The following CD9 variants were observed in gnomAD, a reference collection of about 807,000 sequenced individuals.
CD9 encodes CD9 antigen.
CD9 carries 10 observed loss-of-function variants against 31.4 expected under a neutral mutation model. That is an observed-to-expected ratio of 0.32 (90% confidence interval 0.20 to 0.54). CD9 has a LOEUF of 0.54. Among genes scored for constraint, CD9 ranks in the 20% least tolerant of loss-of-function variants. CD9 has a pLI of 0.94. For missense variants in CD9, 259 were observed against 300.1 expected, an observed-to-expected ratio of 0.86 and a Z score of 1.01; for synonymous variants, 113 against 114.1, an observed-to-expected ratio of 0.99 and a Z score of 0.06.
chr12:6,215,317 T>C (rs960271349), intron 1 of CD9, among the ~76,000 whole-genome samples: 1 of 152,222 alleles, frequency 6.6e-6, no homozygotes, highest in African/African-American at 2.4e-5. Context: ...GAGAGAGCTT[T>C]TCTCTGTCCT....
intron 1 of CD9, among the ~76,000 whole-genome samples, chr12:6,217,268 A>G (rs1946252533): frequency 1.3e-5 from 2 of 152,126 alleles, no homozygotes; most frequent in Admixed American, 6.5e-5. Context: ...CACACCTGTA[A>G]TCCCAAGCTT....
At chr12:6,231,094 A>G (rs1161417383) in intron 2 of CD9, among the ~76,000 whole-genome samples, 2 of 152,172 alleles carry the variant, frequency 1.3e-5, no homozygotes. Flanking sequence ...ATTGTGGGGA[A>G]ACATCACAGA....
chr12:6,215,962 C>T (rs1946238998), intron 1 of CD9, among the ~76,000 whole-genome samples: 1 of 152,208 alleles, frequency 6.6e-6, no homozygotes, highest in African/African-American at 2.4e-5. Context: ...TCTAGTCCTG[C>T]CCAAGTGGCT....
chr12:6,219,811 A>G (rs1946275700), intron 1 of CD9, among the ~76,000 whole-genome samples: 1 of 152,218 alleles, frequency 6.6e-6, no homozygotes, highest in South Asian at 2.1e-4. Flanking sequence ...CTCTTGTGAG[A>G]CATTTGAAGA....
intron 2 of CD9, among the ~76,000 whole-genome samples, chr12:6,227,665 T>G (rs1251695329): frequency 6.6e-6 from 1 of 152,210 alleles, no homozygotes; most frequent in African/African-American, 2.4e-5. Flanking sequence ...AAGCTTATAT[T>G]CCCTCAAGAG....
chr12:6,223,352 C>T (rs1946317458), intron 1 of CD9, among the ~76,000 whole-genome samples: 1 of 152,120 alleles, frequency 6.6e-6, no homozygotes, highest in Non-Finnish European at 1.5e-5. Flanking sequence ...AGCTCCGCCT[C>T]CCGGGCTCAC....
rs550373827 is a variant in CD9, at chr12:6,202,067, T to C, written c.66+1502T>C. ...AGTAGAAAAGAAACAAATGCACTTA[T>C]TCCCCCTGGAGCTGGTCACTGAGGT... On this transcript the variant is annotated intron_variant, in intron 1 of 7. Coordinates refer to ENST00000009180, the MANE Select transcript of CD9 (RefSeq NM_001769.4). Among the ~76,000 whole-genome samples, 144 of 152,240 alleles carry C rather than the reference T, an allele frequency of 9.5e-4. 1 individual carries two copies. Among genetic ancestry groups the C allele is most frequent in the African/African-American group, 3.2e-3 (133 of 41,538 alleles).
Position 6,200,463 on chromosome 12 carries a change from C to T in CD9, c.-37C>T. 1 of 1,513,818 alleles carries T rather than the reference C, an allele frequency of 6.6e-7. No individual in the cohort carries two copies. Among genetic ancestry groups the T allele is most frequent in the Non-Finnish European group, 9.2e-7 (1 of 1,089,864 alleles). 93.8% of individuals were successfully genotyped at this position (1,513,818 alleles called of 1,614,324 possible). A position where few individuals can be genotyped will look rare whatever the true frequency, so the allele number is the denominator to read the frequency against. ...TCCCAGCTGCGCGCGCCCCCCAGTCCCGCACCCGTTCGGCCCAGGCTAAGT... is the reference window on the plus strand; with the variant it reads ...TCCCAGCTGCGCGCGCCCCCCAGTCTCGCACCCGTTCGGCCCAGGCTAAGT... On this transcript the variant is annotated 5_prime_UTR_variant, in exon 1 of 8. Transcript: ENST00000009180.
upstream of CD9, chr12:6,200,252 G>T (rs1362146262): frequency 9.9e-6 from 2 of 201,108 alleles, no homozygotes; most frequent in East Asian, 2.3e-4. Context: ...GGGGGGCGGG[G>T]GGGGTGCGGC....
intron 1 of CD9, among the ~76,000 whole-genome samples, chr12:6,218,177 A>G (rs1360285258): frequency 2.0e-5 from 3 of 151,962 alleles, no homozygotes; most frequent in Non-Finnish European, 1.5e-5. Flanking sequence ...GCAGTGAGCC[A>G]TGGTCATACC....
intron 1 of CD9, among the ~76,000 whole-genome samples, chr12:6,205,579 C>T (rs934317675): frequency 1.3e-5 from 2 of 152,222 alleles, no homozygotes; most frequent in Admixed American, 1.3e-4. Context: ...GAATCTCCCC[C>T]TTACACACAT....
At chr12:6,211,795 G>A (rs1193600093) in intron 1 of CD9, among the ~76,000 whole-genome samples, 1 of 152,224 alleles carries the variant, frequency 6.6e-6, no homozygotes, top group African/African-American at 2.4e-5. Flanking sequence ...GCCAGTGTAT[G>A]CTACGCGTCT....
chr12:6,231,001 T>A (rs1177398063), intron 2 of CD9, among the ~76,000 whole-genome samples: 1 of 152,186 alleles, frequency 6.6e-6, no homozygotes, highest in Non-Finnish European at 1.5e-5. Context: ...CTGCAAAGTC[T>A]CACCCCTGCT....
At chr12:6,207,073 G>A (rs949464810) in intron 1 of CD9, among the ~76,000 whole-genome samples, 1 of 151,974 alleles carries the variant, frequency 6.6e-6, no homozygotes, top group Admixed American at 6.6e-5. Context: ...GTACAGAGAG[G>A]GTCTCTCTAT....
At chr12:6,206,495 A>T (rs919416315) in intron 1 of CD9, among the ~76,000 whole-genome samples, 16 of 152,204 alleles carry the variant, frequency 1.1e-4, no homozygotes, top group African/African-American at 3.9e-4. Flanking sequence ...AAATGCTAGG[A>T]TTACAGGAAT....
intron 1 of CD9, among the ~76,000 whole-genome samples, chr12:6,211,125 C>T (rs368981097): frequency 6.9e-4 from 105 of 152,274 alleles, no homozygotes; most frequent in African/African-American, 2.4e-3. Flanking sequence ...CTTGAGCCAC[C>T]GTGCCCGGCC....
intron 1 of CD9, among the ~76,000 whole-genome samples, chr12:6,210,144 G>A (rs11568207): frequency 0.069 from 8,641 of 125,474 alleles, 827 homozygotes; most frequent in African/African-American, 0.21. Flanking sequence ...CTGTGCTGAT[G>A]TCATCTTGTT....
At chr12:6,223,116 G>A (rs1451097385) in intron 1 of CD9, among the ~76,000 whole-genome samples, 1 of 152,140 alleles carries the variant, frequency 6.6e-6, no homozygotes, top group Admixed American at 6.5e-5. Flanking sequence ...GTGGCTAAAC[G>A]TGGACCAAAA....
At chr12:6,208,216 C>G (rs1174418823) in intron 1 of CD9, among the ~76,000 whole-genome samples, 1 of 149,166 alleles carries the variant, frequency 6.7e-6, no homozygotes, top group African/African-American at 2.5e-5. Flanking sequence ...AAGAGTGAAA[C>G]TCCATCTCAA....
Sources: gnomAD v4.1 joint callset for allele counts (sites outside exome capture counted in the v4.1 genomes callset) on GRCh38, gnomAD v4.1.1 for gene constraint, MANE v1.5 for transcripts, NCBI Gene and HGNC (gene_info 2026-07-23, HGNC 2026-07-21) for gene names.